RBFOX1: variants seen among roughly 807,000 people sequenced by gnomAD.
The protein encoded by RBFOX1 is RNA binding fox-1 homolog 1.
In RBFOX1, 8 loss-of-function variants were observed where a neutral mutation model predicts 57.7. The ratio of observed to expected loss-of-function variants is 0.14; its 90% confidence interval spans 0.08 to 0.25. The LOEUF is 0.25. Ranked by LOEUF, RBFOX1 falls within the 10% of genes least tolerant of loss-of-function variation. The pLI is 1.00. For missense variants in RBFOX1, 611 were observed against 548.5 expected, an observed-to-expected ratio of 1.11 and a Z score of -1.14; for synonymous variants, 326 against 222.4, an observed-to-expected ratio of 1.47 and a Z score of -4.15.
At chr16:5,510,440 G>C (rs2043542478) in intron 2 of RBFOX1, among the ~76,000 whole-genome samples, 1 of 152,166 alleles carries the variant, frequency 6.6e-6, no homozygotes, top group Non-Finnish European at 1.5e-5. Flanking sequence ...GGCACTGGTG[G>C]AGCAGAAACA....
chr16:6,557,084 CATACATATACATATATACATACAT>C (rs2097112933), intron 2 of RBFOX1, among the ~76,000 whole-genome samples: 1 of 137,682 alleles, frequency 7.3e-6, no homozygotes. Flanking sequence ...TACATATATA[CATACATATACATATATACATACAT>C]ATATACATAT....
chr16:5,786,884 C>T (rs2054519864), intron 3 of RBFOX1, among the ~76,000 whole-genome samples: 2 of 152,118 alleles, frequency 1.3e-5, no homozygotes, highest in African/African-American at 4.8e-5. Flanking sequence ...GCCTGTAATC[C>T]CAGCACTTTG....
intron 3 of RBFOX1, among the ~76,000 whole-genome samples, chr16:5,610,878 A>C (rs1437060595): frequency 6.6e-6 from 1 of 152,016 alleles, no homozygotes; most frequent in East Asian, 1.9e-4. Context: ...TCAAAAGATA[A>C]AAATAAAAAT....
At position 6,346,775 on chromosome 16, in the gene RBFOX1, G is replaced by C. The variant is rs1358828045; in HGVS notation, c.-64+29718G>C. On this transcript the variant is annotated intron_variant, in intron 2 of 15. Transcript: ENST00000550418. ...AGAGTTGAAATAACTTCGTAATTGA[G>C]GCTTGTCTTGGGATGGTTGATGTTA... 2.0e-5 allele frequency among the ~76,000 whole-genome samples: 3 copies of C among 152,112 alleles called. No homozygotes were observed. In the East Asian group the frequency reaches 5.8e-4, roughly 29 times the overall value.
intron 1 of RBFOX1, among the ~76,000 whole-genome samples, chr16:6,276,147 C>T (rs1020704182): frequency 6.6e-6 from 1 of 151,974 alleles, no homozygotes; most frequent in African/African-American, 2.4e-5. Flanking sequence ...TTTTTTCCTG[C>T]AGTGAAGAAA....
At chr16:6,763,222 A>G (rs143069944) in intron 3 of RBFOX1, among the ~76,000 whole-genome samples, 2 of 152,332 alleles carry the variant, frequency 1.3e-5, no homozygotes, top group Middle Eastern at 3.4e-3. Context: ...TTCAATAATT[A>G]TTTGTTGAAG....
intron 2 of RBFOX1, among the ~76,000 whole-genome samples, chr16:6,563,826 CA>C (rs138609592): frequency 3.1e-4 from 43 of 140,208 alleles, no homozygotes; most frequent in Non-Finnish European, 5.6e-4. Context: ...ATCCTGTCTC[CA>C]AAAAAAAAAT....
At chr16:7,300,672 G>A (rs1264148232) in intron 4 of RBFOX1, among the ~76,000 whole-genome samples, 2 of 152,024 alleles carry the variant, frequency 1.3e-5, no homozygotes, top group Non-Finnish European at 2.9e-5. Context: ...ATAATAAATA[G>A]TTATGAAAAT....
At position 5,296,378 on chromosome 16, in the gene RBFOX1, C is replaced by G. The variant is rs76125723; in HGVS notation, c.219+56273C>G. ...ACACTGTCATGTAAGTCTGCATCCT[C>G]ACTGCATTCAAATTTCCCACTTGGG... is the stretch of plus-strand genomic sequence containing the variant. On this transcript the variant is annotated intron_variant, in intron 1 of 2. Coordinates refer to the RBFOX1 transcript ENST00000585867. 7.2e-3 allele frequency among the ~76,000 whole-genome samples: 1,089 copies of G among 152,252 alleles called. 7 individuals carry two copies. Among genetic ancestry groups the G allele is most frequent in the Non-Finnish European group, 0.011 (728 of 68,030 alleles).
intron 3 of RBFOX1, among the ~76,000 whole-genome samples, chr16:5,807,762 A>G (rs2055280965): frequency 6.6e-6 from 1 of 152,164 alleles, no homozygotes; most frequent in African/African-American, 2.4e-5. Context: ...GAATCTTGTT[A>G]CAATGCAGGC....
chr16:7,274,344 T>A (rs1306689915), intron 4 of RBFOX1, among the ~76,000 whole-genome samples: 1 of 152,178 alleles, frequency 6.6e-6, no homozygotes, highest in Non-Finnish European at 1.5e-5. Context: ...GAACTGAAAT[T>A]CAGAAAGTTT....
At chr16:6,479,406 G>T (rs1339618916) in intron 2 of RBFOX1, among the ~76,000 whole-genome samples, 5 of 152,074 alleles carry the variant, frequency 3.3e-5, no homozygotes, top group African/African-American at 1.2e-4. Flanking sequence ...TGGCCAACAT[G>T]GTGAAACCCT....
chr16:6,850,448 G>A (rs796547181), intron 3 of RBFOX1, among the ~76,000 whole-genome samples: 9 of 152,194 alleles, frequency 5.9e-5, no homozygotes, highest in African/African-American at 1.9e-4. Context: ...GATGACAAAT[G>A]AGGTTTGAGT....
intron 5 of RBFOX1, among the ~76,000 whole-genome samples, chr16:7,520,077 G>A (rs553002380): frequency 6.6e-6 from 1 of 152,150 alleles, no homozygotes; most frequent in South Asian, 2.1e-4. Flanking sequence ...GGTAGAGACG[G>A]GATTTCACTG....
chr16:6,843,247 A>T (rs1015361993), intron 3 of RBFOX1, among the ~76,000 whole-genome samples: 2 of 152,110 alleles, frequency 1.3e-5, no homozygotes, highest in East Asian at 1.9e-4. Flanking sequence ...ACCTTTTGCA[A>T]AGTTGGACAG....
intron 1 of RBFOX1, among the ~76,000 whole-genome samples, chr16:5,271,972 A>G (rs984192009): frequency 2.7e-4 from 41 of 152,320 alleles, no homozygotes; most frequent in Middle Eastern, 3.4e-3. Context: ...GTGTGTATAT[A>G]GTACATTTTC....
chr16:5,784,735 A>C (rs1417323372), intron 3 of RBFOX1, among the ~76,000 whole-genome samples: 2 of 152,102 alleles, frequency 1.3e-5, no homozygotes, highest in Non-Finnish European at 2.9e-5. Context: ...TGGTGTCCTT[A>C]TGAATTGGAT....
chr16:7,467,387 G>T (rs532804827), intron 4 of RBFOX1, among the ~76,000 whole-genome samples: 5 of 152,128 alleles, frequency 3.3e-5, no homozygotes, highest in Non-Finnish European at 7.3e-5. Flanking sequence ...GCCTTCTAGG[G>T]TTTTCTTGAA....
chr16:7,149,392 C>A (rs371896296), intron 4 of RBFOX1, among the ~76,000 whole-genome samples: 2 of 152,080 alleles, frequency 1.3e-5, no homozygotes, highest in African/African-American at 4.8e-5. Flanking sequence ...CCACTCCATT[C>A]CCACTGGTGA....
Sources: gnomAD v4.1 joint callset for allele counts (sites outside exome capture counted in the v4.1 genomes callset) on GRCh38, gnomAD v4.1.1 for gene constraint, MANE v1.5 for transcripts, NCBI Gene and HGNC (gene_info 2026-07-23, HGNC 2026-07-21) for gene names.